CPSF1: variants seen among roughly 807,000 people sequenced by gnomAD.
CPSF1 encodes cleavage and polyadenylation specific factor 1, also known as cleavage and polyadenylation specificity factor subunit 1.
A neutral mutation model predicts 175.8 loss-of-function variants in CPSF1; 106 were observed. The observed-to-expected ratio is 0.60, with a 90% confidence interval of 0.52 to 0.71. CPSF1 has a LOEUF of 0.71. Ranked by LOEUF, CPSF1 falls within the 30% of genes least tolerant of loss-of-function variation. The pLI is 0.00. For synonymous variants in CPSF1, 1,024 were observed against 858.3 expected (o/e 1.19, Z -3.37); for missense variants, 1,734 against 2,022.9 (o/e 0.86, Z 2.74).
rs782319358 is a variant in CPSF1 at position 144,397,513 on chromosome 8, G to A, written c.2359C>T (p.Leu787=). The change falls in exon 22 of 38, where the codon CTG becomes TTG. Residue 787 remains leucine, a synonymous_variant. Coordinates refer to ENST00000616140, the MANE Select transcript of CPSF1 (RefSeq NM_013291.3). The part of the protein sequence containing the change: ...FRAEPTHWCL[L]VRENGTMEIY... ...TCCATGGTGCCATTCTCCCGCACCA[G>A]CAGGCACCAGTGGGTAGGCTCTGCC... The A allele has an allele frequency of 6.3e-7, 1 of 1,586,376 alleles. No homozygotes were observed. The highest frequency in any genetic ancestry group is 8.6e-7 in the Non-Finnish European group (1 of 1,160,888).
At position 144,400,077 on chromosome 8, in the gene CPSF1, C is replaced by A; in HGVS notation, c.946G>T (p.Glu316Ter). ...CAGTCCAGGGTGATCCGCACACCCT[C>A]CTGGGTGCCTGTGGGGTGGGTGGTC... ...GTTAFPLRTQEGVRITLDCAQ... is the reference protein window; with the variant it reads ...GTTAFPLRTQ Residue 316 changes from glutamate (E) to a stop codon, truncating the protein, a stop_gained, in exon 10 of 38, where the codon GAG becomes TAG. Coordinates refer to ENST00000616140, the MANE Select transcript of CPSF1 (RefSeq NM_013291.3). LOFTEE classifies it high-confidence loss of function. 1 of 1,599,746 alleles carries A rather than the reference C, an allele frequency of 6.3e-7. No individual in the cohort carries two copies. Among genetic ancestry groups the A allele is most frequent in the Non-Finnish European group, 8.5e-7 (1 of 1,177,088 alleles).
At chr8:144,394,187 C>G (rs782636257) in intron 33 of CPSF1, 27 bp from the exon 34 acceptor site, 1 of 1,612,282 alleles carries the variant, frequency 6.2e-7, no homozygotes, top group African/African-American at 1.3e-5. Context: ...CAGGGTCAGC[C>G]CCGGCCACCC....
At chr8:144,398,746 C>T (rs1820967768) in intron 17 of CPSF1, 33 bp downstream of exon 17, 6 of 1,589,968 alleles carry the variant, frequency 3.8e-6, no homozygotes, top group Non-Finnish European at 5.2e-6. Flanking sequence ...CCGGTCCCAT[C>T]CCAGGGCCTC....
chr8:144,397,549 C>G lies in CPSF1; in HGVS notation c.2323G>C (p.Ala775Pro). 1 of 1,562,646 alleles carries G rather than the reference C, an allele frequency of 6.4e-7. No homozygotes were observed. Reference protein sequence around the residue: ...SSQPPADRDPAPFRAEPTHWC... With the variant: ...SSQPPADRDPPPFRAEPTHWC... ...TGGGTAGGCTCTGCCCGGAAGGGTG[C>G]AGGGTCCCGGTCAGCAGGGGGCTGG... Residue 775 changes from alanine to proline, a missense_variant, in exon 22 of 38, where the codon GCA (alanine) becomes CCA (proline). Physicochemically the swap from Ala to Pro is conservative, Grantham distance 27. Coordinates refer to ENST00000616140, the MANE Select transcript of CPSF1 (RefSeq NM_013291.3).
intron 2 of CPSF1, 121 bp downstream of exon 2, chr8:144,408,894 G>A (rs1554869886): frequency 7.4e-6 from 9 of 1,210,150 alleles, no homozygotes; most frequent in Non-Finnish European, 1.0e-5. Context: ...GGCTCCTCAG[G>A]CTGAGGAACG....
At chr8:144,400,135 G>GGGGGCCCCCCCC in intron 9 of CPSF1, 31 bp downstream of exon 9, 24 of 895,990 alleles carry the variant, frequency 2.7e-5, no homozygotes, top group Non-Finnish European at 3.7e-5. Context: ...CCGTCCCCGG[G>GGGGGCCCCCCCC]CCCCCCCCGC....
chr8:144,397,473 A>G lies in CPSF1; in HGVS notation c.2385+14T>C. 3.8e-6 allele frequency: 6 copies of G among 1,597,996 alleles called. No homozygotes were observed. Among genetic ancestry groups the G allele is most frequent in the Non-Finnish European group, 5.1e-6 (6 of 1,170,972 alleles). ...GGTGGAACCCGCTGGGCCACAGTGC[A>G]GGGCACCACCTACCTCCATGGTGCC... On this transcript the variant is annotated intron_variant, in intron 22 of 37. Transcript: ENST00000616140.
intron 23 of CPSF1, 77 bp downstream of exon 23, chr8:144,397,130 G>A: frequency 1.5e-6 from 2 of 1,374,256 alleles, no homozygotes; most frequent in Non-Finnish European, 2.0e-6. Context: ...TGGAGCCACG[G>A]GAAGGGGCGG....
chr8:144,395,173 T>C lies in CPSF1; in HGVS notation c.3197A>G (p.Tyr1066Cys). ...EFETIERDER[Y>C]IHPQQEAFSI... is the part of the protein sequence containing the mutation. ...GAAGGCCTCCTGCTGGGGGTGGATG[T>C]ACCGCTCATCTGTGGGGACCAAGGG... The change falls in exon 29 of 38, where the codon TAC becomes TGC. Residue 1066 changes from tyrosine (Y) to cysteine (C), a missense_variant. Coordinates refer to ENST00000616140, the MANE Select transcript of CPSF1 (RefSeq NM_013291.3). 1 of 1,612,700 alleles carries C rather than the reference T, an allele frequency of 6.2e-7. No homozygotes were observed. The highest frequency in any genetic ancestry group is 8.5e-7 in the Non-Finnish European group (1 of 1,179,552).
In CPSF1 at chr8:144,394,396, G is replaced by A; in HGVS notation, c.3727C>T (p.Leu1243=). The change falls in exon 32 of 38, where the codon CTG becomes TTG. Residue 1243 remains leucine (L), a synonymous_variant. Transcript: ENST00000616140. ...AGGTGTACCCGCGACACCAGGCTCAGCGTCTTGCTTTCCTCCTGGTAGCGC... is the reference window on the plus strand; with the variant it reads ...AGGTGTACCCGCGACACCAGGCTCAACGTCTTGCTTTCCTCCTGGTAGCGC... ...LLRYQEESKT[L]SLVSRDAKPL... is the part of the protein sequence containing the mutation. 6.2e-7 allele frequency: 1 copy of A among 1,609,002 alleles called. No homozygotes were observed. The highest frequency in any genetic ancestry group is 8.5e-7 in the Non-Finnish European group (1 of 1,178,060).
intron 9 of CPSF1, 24 bp downstream of exon 9, chr8:144,400,142 C>CCCT (rs1325701634): frequency 4.0e-6 from 5 of 1,248,200 alleles, no homozygotes; most frequent in Non-Finnish European, 5.6e-6. Context: ...CGGGCCCCCC[C>CCCT]CGCCCCAGCC....
In CPSF1 at chr8:144,398,978, C is replaced by T. The variant is rs2116856726; in HGVS notation, c.1528G>A (p.Gly510Arg). ...CACACCTGCAGCACCGACAAAGCCC[C>T]GTTCTTCCCGTGGCCGGAGCAAACC... ...IVVCSGHGKN[G>R]ALSVLQKSIR... Residue 510 changes from glycine (G) to arginine (R), a missense_variant, in exon 16 of 38, where the codon GGG (glycine) becomes AGG (arginine). Physicochemically the swap from Gly to Arg is moderately radical, Grantham distance 125 (BLOSUM62 -2). Coordinates refer to ENST00000616140, the MANE Select transcript of CPSF1 (RefSeq NM_013291.3). 4 of 1,612,740 alleles carry T rather than the reference C, an allele frequency of 2.5e-6. No individual in the cohort carries two copies. The highest frequency in any genetic ancestry group is 1.7e-5 in the Admixed American group (1 of 60,004).
rs2116912628 is a variant in CPSF1 at position 144,408,998 on chromosome 8, C to G, written c.144+17G>C. 1.9e-6 allele frequency: 3 copies of G among 1,610,920 alleles called. No individual in the cohort carries two copies. The South Asian group carries it at 3.3e-5, about 18-fold the overall frequency. On this transcript the variant is annotated intron_variant, in intron 2 of 37. Coordinates refer to ENST00000616140, the MANE Select transcript of CPSF1 (RefSeq NM_013291.3). ...CACGTCGCGGACAGCCGGGAGGGCT[C>G]CCAGGGCCCGACCTACCTCGGCGTC...
At position 144,394,559 on chromosome 8, in the gene CPSF1, GGGGCGA is replaced by G. The variant is rs782294991; in HGVS notation, c.3568-10_3568-5del. On this transcript the variant is annotated splice_polypyrimidine_tract_variant and splice_region_variant and intron_variant, in intron 31 of 37. Transcript: ENST00000616140. Reference sequence around the variant, plus strand: ...CCCGCAGGCTCCACAGGAAAATCTGGGGGCGAGGGCGAGGGTGAGCGGGCGCGGACG... The same window carrying G: ...CCCGCAGGCTCCACAGGAAAATCTGGGGGCGAGGGTGAGCGGGCGCGGACG... 36 of 1,608,452 alleles carry G rather than the reference GGGGCGA, an allele frequency of 2.2e-5. No homozygotes were observed. Among genetic ancestry groups the G allele is most frequent in the Non-Finnish European group, 2.7e-5 (32 of 1,177,890 alleles).
At position 144,399,559 on chromosome 8, in the gene CPSF1, T is replaced by C. The variant is rs2116863996; in HGVS notation, c.1242+29A>G. The C allele has an allele frequency of 8.1e-6, 13 of 1,610,712 alleles. No homozygotes were observed. The Admixed American group carries it at 2.0e-4, about 25-fold the overall frequency. Reference sequence around the variant, plus strand: ...GCCACAGCAGTGCCCACATGAAGGGTGGTGGCCCAATGGGCCCAGGAAACC... The same window carrying C: ...GCCACAGCAGTGCCCACATGAAGGGCGGTGGCCCAATGGGCCCAGGAAACC... On this transcript the variant is annotated intron_variant, in intron 12 of 37. Coordinates refer to ENST00000616140, the MANE Select transcript of CPSF1 (RefSeq NM_013291.3). This position sits in a 1 kb window ranked among gnomAD's most constrained non-coding sequence, Gnocchi z 6.4.
At chr8:144,395,225 G>A (rs199621442) in intron 28 of CPSF1, 40 bp downstream of exon 28, 2 of 1,612,828 alleles carry the variant, frequency 1.2e-6, no homozygotes, top group African/African-American at 2.7e-5. Context: ...GCTTCCCCAA[G>A]ATGCGGCTGA....
Position 144,398,575 on chromosome 8 carries a change from C to A in CPSF1, c.1702G>T (p.Asp568Tyr). 1.9e-6 allele frequency: 3 copies of A among 1,613,972 alleles called. No homozygotes were observed. Among genetic ancestry groups the A allele is most frequent in the African/African-American group, 1.3e-5 (1 of 75,062 alleles). ...EPSTTPEADD[D>Y]GRRHGFLILS... ...ATCAGGAATCCGTGTCTGCGGCCGT[C>A]GTCGTCTGCTTCAGGGGTGGTGCTG... The change falls in exon 18 of 38, where the codon GAC becomes TAC. Residue 568 changes from aspartate (D) to tyrosine (Y), a missense_variant. This residue lies in a region of CPSF1 where 280 missense variants were observed against 349.2 expected (regional missense o/e 0.80). Coordinates refer to ENST00000616140, the MANE Select transcript of CPSF1 (RefSeq NM_013291.3).
rs2116867853 is a variant in CPSF1 at position 144,399,913 on chromosome 8, G to T, written c.1032-45C>A. 3 of 1,555,190 alleles carry T rather than the reference G, an allele frequency of 1.9e-6. No homozygotes were observed. The highest frequency in any genetic ancestry group is 1.7e-6 in the Non-Finnish European group (2 of 1,144,984). On this transcript the variant is annotated intron_variant, in intron 10 of 37. Coordinates refer to ENST00000616140, the MANE Select transcript of CPSF1 (RefSeq NM_013291.3). This position sits in a 1 kb window ranked among gnomAD's most constrained non-coding sequence, Gnocchi z 6.4. ...TGAGTCGGGGATGGGGACCCTGGGG[G>T]AGTGAAGGGGGCCAGGGGACCCTAC... is the stretch of plus-strand genomic sequence containing the variant.
chr8:144,402,296 GT>G (rs2116890391), intron 2 of CPSF1, among the ~76,000 whole-genome samples: 3 of 150,834 alleles, frequency 2.0e-5, no homozygotes, highest in East Asian at 1.9e-4. Context: ...TTTTTGTTTT[GT>G]TTTTTTTTGT....
Sources: allele counts gnomAD v4.1 joint callset (sites outside exome capture counted in the v4.1 genomes callset), GRCh38; gene constraint gnomAD v4.1.1; regional missense constraint gnomAD v4.1.1; non-coding constraint Gnocchi (gnomAD v3.1); transcripts MANE v1.5; gene names NCBI Gene and HGNC (gene_info 2026-07-23, HGNC 2026-07-21).